Variants in CTNND2 observed in about 807,000 individuals in gnomAD.
The protein encoded by CTNND2 is catenin delta-2.
CTNND2 carries 22 observed loss-of-function variants against 144.4 expected under a neutral mutation model. The ratio of observed to expected loss-of-function variants is 0.15; its 90% CI spans 0.11 to 0.22. CTNND2 has a LOEUF of 0.22. Among genes scored for constraint, CTNND2 ranks in the 10% least tolerant of loss-of-function variants. CTNND2 has a pLI of 1.00. For synonymous variants in CTNND2, 751 were observed against 695.6 expected, an observed-to-expected ratio of 1.08 and a Z score of -1.25; for missense variants, 1,353 against 1,618.8, an observed-to-expected ratio of 0.84 and a Z score of 2.82.
At chr5:11,101,924 T>TGTGTGTGTGTG (rs56315636) in intron 14 of CTNND2, among the ~76,000 whole-genome samples, 22 of 151,662 alleles carry the variant, frequency 1.5e-4, no homozygotes, top group South Asian at 2.1e-4. Context: ...TGTGTGTGTG[T>TGTGTGTGTGTG]TTACATCTTC....
chr5:11,489,717 T>C (rs1005769091), intron 3 of CTNND2, among the ~76,000 whole-genome samples: 2 of 152,196 alleles, frequency 1.3e-5, no homozygotes, highest in Non-Finnish European at 2.9e-5. Flanking sequence ...CATAAATTTA[T>C]TCTCCATACT....
intron 1 of CTNND2, among the ~76,000 whole-genome samples, chr5:11,739,375 C>T (rs1296792471): frequency 3.3e-5 from 5 of 152,124 alleles, no homozygotes; most frequent in African/African-American, 2.4e-5. Context: ...CCTGAGTGAC[C>T]GGCCATCAGC....
chr5:11,110,947 C>T lies in CTNND2; in HGVS notation c.2374G>A (p.Gly792Arg), dbSNP rs954417077. 27 of 1,614,046 alleles carry T rather than the reference C, an allele frequency of 1.7e-5. No individual in the cohort carries two copies. The highest frequency in any genetic ancestry group is 2.3e-5 in the Non-Finnish European group (27 of 1,180,044). ...GQHMGTDELD[G>R]LLCGEANGKD... ...CCATTGGCCTCGCCACAGAGTAGCC[C>T]GTCCAGCTCGTCCGTGCCCATGTGC... Residue 792 changes from glycine to arginine, a missense_variant, in exon 14 of 22, where the codon GGG becomes AGG. Around this residue, in one of 4 missense-constraint regions of CTNND2, gnomAD observed 459 missense variants for 674.3 expected, o/e 0.68. Transcript: ENST00000304623.
intron 2 of CTNND2, among the ~76,000 whole-genome samples, chr5:11,601,889 G>A (rs1316774988): frequency 6.6e-6 from 1 of 151,978 alleles, no homozygotes; most frequent in Non-Finnish European, 1.5e-5. Context: ...ATTAAAGAAA[G>A]CACCTAGATA....
chr5:10,981,860 G>A lies in CTNND2; in HGVS notation c.3344-14C>T, dbSNP rs766070070. ...CAGTGTTTTGAGCTAAAAGCAAAAG[G>A]AAAACAAAAGTTTAGCAAAGAAAAC... On this transcript the variant is annotated splice_polypyrimidine_tract_variant and intron_variant, in intron 20 of 21. Transcript: ENST00000304623. 1 of 1,605,686 alleles carries A rather than the reference G, an allele frequency of 6.2e-7. No homozygotes were observed. Among genetic ancestry groups the A allele is most frequent in the South Asian group, 1.1e-5 (1 of 90,246 alleles).
intron 2 of CTNND2, among the ~76,000 whole-genome samples, chr5:11,619,786 T>A (rs1470893296): frequency 1.3e-5 from 2 of 152,196 alleles, no homozygotes; most frequent in African/African-American, 4.8e-5. Context: ...ACTGTACTCA[T>A]CCCAGCTAGA....
chr5:11,781,305 T>G (rs930415770), intron 1 of CTNND2, among the ~76,000 whole-genome samples: 1 of 152,206 alleles, frequency 6.6e-6, no homozygotes, highest in Non-Finnish European at 1.5e-5. Flanking sequence ...GCCTTTCCAA[T>G]TTCATGCTGC....
intron 3 of CTNND2, among the ~76,000 whole-genome samples, chr5:11,419,107 T>C (rs184904233): frequency 1.3e-5 from 2 of 150,920 alleles, no homozygotes; most frequent in East Asian, 2.0e-4. Context: ...ACTGAAAAGG[T>C]ATCAAATTCA....
At chr5:11,830,449 T>G (rs1317071253) in intron 1 of CTNND2, among the ~76,000 whole-genome samples, 1 of 152,128 alleles carries the variant, frequency 6.6e-6, no homozygotes, top group East Asian at 1.9e-4. Flanking sequence ...ATAAGTCTCA[T>G]GAGATCTGAT....
chr5:11,726,009 C>T (rs1786998018), intron 2 of CTNND2, among the ~76,000 whole-genome samples: 1 of 152,200 alleles, frequency 6.6e-6, no homozygotes, highest in Non-Finnish European at 1.5e-5. Context: ...ACCCCAGGAG[C>T]CCCTGCTTTG....
intron 9 of CTNND2, among the ~76,000 whole-genome samples, chr5:11,287,073 G>A (rs1436005647): frequency 6.6e-6 from 1 of 152,088 alleles, no homozygotes; most frequent in African/African-American, 2.4e-5. Flanking sequence ...CATATTTCCG[G>A]TATCTCTGTA....
chr5:11,532,531 G>T (rs31787), intron 3 of CTNND2, among the ~76,000 whole-genome samples: 4,043 of 152,232 alleles, frequency 0.027, 55 homozygotes, highest in African/African-American at 0.044. Context: ...TAAAGCAACT[G>T]TTTATTGAGC....
At chr5:11,233,716 C>CTGTGTGTG (rs3033106) in intron 10 of CTNND2, among the ~76,000 whole-genome samples, 7,153 of 148,272 alleles carry the variant, frequency 0.048, 221 homozygotes, top group Middle Eastern at 0.068. Flanking sequence ...GTTTACGTGT[C>CTGTGTGTG]TGTGTGTGTG....
intron 9 of CTNND2, among the ~76,000 whole-genome samples, chr5:11,274,574 C>T (rs13164299): frequency 0.077 from 11,117 of 144,950 alleles, 558 homozygotes; most frequent in South Asian, 0.15. Flanking sequence ...GTTGATTTTG[C>T]TTTCGTTTTT....
At chr5:11,215,287 GC>G (rs1368158446) in intron 10 of CTNND2, among the ~76,000 whole-genome samples, 1 of 152,136 alleles carries the variant, frequency 6.6e-6, no homozygotes, top group East Asian at 1.9e-4. Context: ...CACTGGTCTG[GC>G]AAACATCATG....
At chr5:11,448,676 T>C (rs897851634) in intron 3 of CTNND2, among the ~76,000 whole-genome samples, 1 of 152,168 alleles carries the variant, frequency 6.6e-6, no homozygotes, top group African/African-American at 2.4e-5. Context: ...GCCTGAAACA[T>C]ATATATTTTT....
At chr5:11,088,118 G>C (rs892400155) in intron 15 of CTNND2, among the ~76,000 whole-genome samples, 1 of 152,180 alleles carries the variant, frequency 6.6e-6, no homozygotes, top group African/African-American at 2.4e-5. Flanking sequence ...TCAAATATTA[G>C]AGATGTCATC....
chr5:11,498,769 A>G (rs1770238129), intron 3 of CTNND2, among the ~76,000 whole-genome samples: 2 of 152,206 alleles, frequency 1.3e-5, no homozygotes, highest in South Asian at 2.1e-4. Context: ...CTTTACTTAA[A>G]ACAAATTTTT....
At chr5:11,803,695 C>T (rs891187595) in intron 1 of CTNND2, among the ~76,000 whole-genome samples, 1 of 152,140 alleles carries the variant, frequency 6.6e-6, no homozygotes, top group African/African-American at 2.4e-5. Flanking sequence ...CACTGTGAGA[C>T]GAGTTCACTT....
Sources: allele counts gnomAD v4.1 joint callset (sites outside exome capture counted in the v4.1 genomes callset), GRCh38; gene constraint gnomAD v4.1.1; regional missense constraint gnomAD v4.1.1; transcripts MANE v1.5; gene names NCBI Gene and HGNC (gene_info 2026-07-23, HGNC 2026-07-21).